Variants in GLI2 observed in about 807,000 individuals in gnomAD.
The protein encoded by GLI2 is transcription activator GLI2.
Under a neutral mutation model 78.9 loss-of-function variants are expected in GLI2, and 22 were observed. That is an observed-to-expected ratio of 0.28 (90% confidence interval 0.20 to 0.40). The LOEUF is 0.40. Among genes scored for constraint, GLI2 ranks in the 10% least tolerant of loss-of-function variants. The probability of loss-of-function intolerance (pLI) is 1.00; values close to 1 mark genes in which losing one functional copy is unlikely to be tolerated. For synonymous variants in GLI2, 974 were observed against 963.7 expected (o/e 1.01, Z -0.20); for missense variants, 2,097 against 2,213.2 (o/e 0.95, Z 1.05).
intron 1 of GLI2, among the ~76,000 whole-genome samples, chr2:120,773,412 G>A (rs1052358024): frequency 1.8e-4 from 28 of 152,278 alleles, no homozygotes; most frequent in Non-Finnish European, 2.9e-4. Context: ...TGTCACCCGC[G>A]GTGACAGCCC....
intron 2 of GLI2, among the ~76,000 whole-genome samples, chr2:120,909,856 C>A (rs1678729941): frequency 1.3e-5 from 2 of 152,238 alleles, no homozygotes; most frequent in East Asian, 3.8e-4. Flanking sequence ...CAGAGTGAGA[C>A]TCCGTCTCAA....
chr2:120,911,144 A>T (rs1678796380), intron 2 of GLI2, among the ~76,000 whole-genome samples: 1 of 152,154 alleles, frequency 6.6e-6, no homozygotes, highest in Admixed American at 6.5e-5. Context: ...CTGGTCCAAG[A>T]AGAGCTCATA....
intron 2 of GLI2, among the ~76,000 whole-genome samples, chr2:120,896,668 CA>C (rs1316907341): frequency 2.0e-4 from 3 of 15,132 alleles, no homozygotes; most frequent in African/African-American, 9.8e-4. Context: ...CACATACACC[CA>C]CCCCCCCACA....
In GLI2 at chr2:120,986,459, C is replaced by T. The variant is rs865959844; in HGVS notation, c.2087C>T (p.Ser696Phe). ...GADTSALAAPSAGGLQLRKHM... is the reference protein window; with the variant it reads ...GADTSALAAPFAGGLQLRKHM... ...GACACCTCAGCCCTGGCTGCCCCCT[C>T]CGCTGGTGGCCTCCAGCTGCGCAAA... Residue 696 changes from serine (S) to phenylalanine (F), a missense_variant, in exon 13 of 14, where the codon TCC becomes TTC. Physicochemically the swap from Ser to Phe is radical, Grantham distance 155. This residue lies in a region of GLI2 where 1,290 missense variants were observed against 1,261.7 expected (regional missense o/e 1.02). Transcript: ENST00000361492. 6.2e-7 allele frequency: 1 copy of T among 1,614,034 alleles called. No homozygotes were observed. The highest frequency in any genetic ancestry group is 8.5e-7 in the Non-Finnish European group (1 of 1,180,024).
chr2:120,785,939 G>C (rs1001135421), intron 1 of GLI2, among the ~76,000 whole-genome samples: 1 of 152,234 alleles, frequency 6.6e-6, no homozygotes, highest in African/African-American at 2.4e-5. Flanking sequence ...GCAAAGGACT[G>C]CTTGGGGGCT....
intron 2 of GLI2, among the ~76,000 whole-genome samples, chr2:120,916,966 A>G (rs929936663): frequency 6.6e-6 from 1 of 152,140 alleles, no homozygotes; most frequent in African/African-American, 2.4e-5. Flanking sequence ...GGAAGCCTTT[A>G]GGTACAACTT....
Position 120,948,106 on chromosome 2 carries a change from G to A in GLI2, c.255-3137G>A, listed in dbSNP as rs572645389. Reference sequence around the variant, plus strand: ...GCTGTGATGGGGCGGGTAGTGCCTCGATGAGGGAGTCCCAGCCTGGGAGTG... The same window carrying A: ...GCTGTGATGGGGCGGGTAGTGCCTCAATGAGGGAGTCCCAGCCTGGGAGTG... On this transcript the variant is annotated intron_variant, in intron 3 of 13. Coordinates refer to ENST00000361492, the MANE Select transcript of GLI2 (RefSeq NM_001374353.1). Among the ~76,000 whole-genome samples, 8 of 152,322 alleles carry A rather than the reference G, an allele frequency of 5.3e-5. No homozygotes were observed. The East Asian group carries it at 1.5e-3, about 29-fold the overall frequency.
At chr2:120,915,633 C>T (rs894201620) in intron 2 of GLI2, among the ~76,000 whole-genome samples, 2 of 152,130 alleles carry the variant, frequency 1.3e-5, no homozygotes, top group Non-Finnish European at 2.9e-5. Context: ...TGACTTCGTC[C>T]TCATTTGCGA....
At chr2:120,954,762 A>T (rs1011628168) in intron 4 of GLI2, among the ~76,000 whole-genome samples, 1 of 152,158 alleles carries the variant, frequency 6.6e-6, no homozygotes, top group Non-Finnish European at 1.5e-5. Context: ...AGGGATAAGG[A>T]TGTGTGCAGG....
At chr2:120,740,726 C>A (rs1682508528) in intron 1 of GLI2, among the ~76,000 whole-genome samples, 1 of 152,182 alleles carries the variant, frequency 6.6e-6, no homozygotes, top group Admixed American at 6.5e-5. Flanking sequence ...ATTATGTTTT[C>A]TTCTCTACAA....
At chr2:120,874,759 C>T (rs1362159400) in intron 2 of GLI2, among the ~76,000 whole-genome samples, 3 of 152,172 alleles carry the variant, frequency 2.0e-5, no homozygotes, top group South Asian at 4.1e-4. Flanking sequence ...AACAGCCACT[C>T]GCTGTGGCAG....
At chr2:120,951,784 TG>T (rs1489291328) in intron 4 of GLI2, 11 of 239,288 alleles carry the variant, frequency 4.6e-5, no homozygotes, top group Middle Eastern at 2.6e-3. Context: ...GATGTTGTGT[TG>T]GAGTGTCTCA....
intron 1 of GLI2, among the ~76,000 whole-genome samples, chr2:120,783,662 G>C (rs1470566948): frequency 1.3e-5 from 2 of 151,948 alleles, no homozygotes. Context: ...TTATCAGTAG[G>C]GTGTGTCCTT....
intron 3 of GLI2, among the ~76,000 whole-genome samples, chr2:120,930,302 C>T (rs1325059295): frequency 2.0e-5 from 3 of 152,180 alleles, no homozygotes; most frequent in East Asian, 3.8e-4. Flanking sequence ...GTGTTCATGC[C>T]GTTTAATCTT....
Position 120,989,197 on chromosome 2 carries a change from G to C in GLI2, c.3232G>C (p.Asp1078His), listed in dbSNP as rs959125673. 1.2e-6 allele frequency: 2 copies of C among 1,613,206 alleles called. No individual in the cohort carries two copies. Among genetic ancestry groups the C allele is most frequent in the Non-Finnish European group, 8.5e-7 (1 of 1,180,020 alleles). ...VYPTESTGFS[D>H]NPRLPSPGLH... ...TCCCACGGAAAGCACTGGCTTCTCT[G>C]ACAACCCCAGACTACCCAGCCCGGG... is the stretch of plus-strand genomic sequence containing the variant. The change falls in exon 14 of 14, where the codon GAC becomes CAC. Residue 1078 changes from aspartate to histidine, a missense_variant. Asp to His is a moderately conservative substitution (Grantham distance 81, BLOSUM62 -1). Transcript: ENST00000361492.
chr2:120,872,085 A>G (rs1688492205), intron 2 of GLI2, among the ~76,000 whole-genome samples: 1 of 152,228 alleles, frequency 6.6e-6, no homozygotes, highest in Non-Finnish European at 1.5e-5. Flanking sequence ...TTGTTGTGCC[A>G]GGTGGTCAGT....
At chr2:120,918,924 A>T (rs1341896658) in intron 2 of GLI2, among the ~76,000 whole-genome samples, 1 of 152,212 alleles carries the variant, frequency 6.6e-6, no homozygotes, top group Non-Finnish European at 1.5e-5. Context: ...GACAACAGGG[A>T]CAGGTGATGT....
chr2:120,948,252 C>A (rs531899904), intron 3 of GLI2, among the ~76,000 whole-genome samples: 1 of 152,296 alleles, frequency 6.6e-6, no homozygotes, highest in South Asian at 2.1e-4. Flanking sequence ...TTTTTCCATA[C>A]CCTCCTGAGG....
At chr2:120,801,993 G>T (rs950037112) in intron 2 of GLI2, among the ~76,000 whole-genome samples, 3 of 152,204 alleles carry the variant, frequency 2.0e-5, no homozygotes, top group Admixed American at 6.5e-5. Flanking sequence ...CTACCCCAGG[G>T]TGAGTGTCCA....
Sources: gnomAD v4.1 joint callset for allele counts (sites outside exome capture counted in the v4.1 genomes callset) on GRCh38, gnomAD v4.1.1 for gene constraint, gnomAD v4.1.1 regional missense constraint, MANE v1.5 for transcripts, NCBI Gene and HGNC (gene_info 2026-07-23, HGNC 2026-07-21) for gene names.